GOLIM4: variants seen among roughly 807,000 people sequenced by gnomAD.
GOLIM4 encodes golgi integral membrane protein 4.
Under a neutral mutation model 107.4 loss-of-function variants are expected in GOLIM4, and 71 were observed. The ratio of observed to expected loss-of-function variants is 0.66; its 90% CI spans 0.55 to 0.81. The LOEUF is 0.81. GOLIM4 is among the 30% of genes least tolerant of loss of function. The pLI, the probability that GOLIM4 is intolerant of heterozygous loss-of-function variation, is 0.00. For synonymous variants in GOLIM4, 327 were observed against 294.8 expected, an observed-to-expected ratio of 1.11 and a Z score of -1.12; for missense variants, 830 against 826.1, an observed-to-expected ratio of 1.00 and a Z score of -0.06.
intron 14 of GOLIM4, among the ~76,000 whole-genome samples, chr3:168,013,241 G>T (rs1415603075): frequency 7.9e-5 from 12 of 151,118 alleles, no homozygotes; most frequent in East Asian, 1.9e-4. Flanking sequence ...GTTGCAATCC[G>T]AGTCTCTGAT....
At chr3:168,072,907 A>T (rs1720907337) in intron 1 of GOLIM4, among the ~76,000 whole-genome samples, 1 of 152,232 alleles carries the variant, frequency 6.6e-6, no homozygotes, top group South Asian at 2.1e-4. Flanking sequence ...GATCATATGT[A>T]ATGAAACACA....
chr3:168,072,589 G>C (rs984738644), intron 1 of GOLIM4, among the ~76,000 whole-genome samples: 2 of 151,992 alleles, frequency 1.3e-5, no homozygotes, highest in African/African-American at 4.8e-5. Flanking sequence ...ATGTAAAAAT[G>C]GGCCATAAAT....
Position 168,032,643 on chromosome 3 carries a change from G to A in GOLIM4, c.1053C>T (p.Val351=), listed in dbSNP as rs774956789. The stretch of plus-strand genomic sequence containing the variant: ...CCTCCTCAAGATGTTCTGCTTGCCC[G>A]ACCTGCTCCATTTCTTCCTCCTCCA... ...KALEEEEMEQ[V]GQAEHLEEEH... Residue 351 remains valine, a synonymous_variant, in exon 9 of 16, where the codon GTC becomes GTT. Transcript: ENST00000470487. 2.3e-4 allele frequency: 378 copies of A among 1,613,814 alleles called. 1 individual carries two copies. The Admixed American group carries it at 6.0e-3, about 25-fold the overall frequency.
intron 14 of GOLIM4, among the ~76,000 whole-genome samples, chr3:168,011,195 G>A (rs78775703): frequency 7.4e-5 from 11 of 148,946 alleles, no homozygotes; most frequent in Non-Finnish European, 1.5e-4. Flanking sequence ...CGCACCATGC[G>A]CGAGCCAAAG....
intron 5 of GOLIM4, 44 bp downstream of exon 5, chr3:168,043,335 A>G (rs1324695645): frequency 3.7e-6 from 5 of 1,358,134 alleles, no homozygotes; most frequent in Non-Finnish European, 5.1e-6. Context: ...CATTAATATC[A>G]GTACTTATTT....
rs1720182985 is a variant in GOLIM4 at position 168,060,123 on chromosome 3, T to TG, written c.188-11759dup. The stretch of plus-strand genomic sequence containing the variant: ...GAGTTTTTTTTTTTTTTCTTAGAGA[T>TG]GGGGTCTCACTATGTTGCCTAGGCT... On this transcript the variant is annotated intron_variant, in intron 1 of 15. Transcript: ENST00000470487. Among the ~76,000 whole-genome samples, 4 of 150,576 alleles carry TG rather than the reference T, an allele frequency of 2.7e-5. No individual in the cohort carries two copies. The South Asian group carries it at 8.4e-4, about 32-fold the overall frequency.
rs10711622 is a variant in GOLIM4 at position 168,033,441 on chromosome 3, T to TA, written c.844-590dup. On this transcript the variant is annotated intron_variant, in intron 8 of 15. Coordinates refer to ENST00000470487, the MANE Select transcript of GOLIM4 (RefSeq NM_014498.5). ...TAACACAGTGAAACCCCGTCTCTAC[T>TA]AAAAAAACACAAAAAATTAGCCGGG... Among the ~76,000 whole-genome samples, 5 of 148,502 alleles carry TA rather than the reference T, an allele frequency of 3.4e-5. No homozygotes were observed. The South Asian group carries it at 6.4e-4, about 19-fold the overall frequency.
At chr3:168,061,786 C>T (rs1025782898) in intron 1 of GOLIM4, among the ~76,000 whole-genome samples, 1 of 152,170 alleles carries the variant, frequency 6.6e-6, no homozygotes, top group Non-Finnish European at 1.5e-5. Flanking sequence ...ACTATTCACA[C>T]TGTGCACATG....
At chr3:168,086,301 A>G (rs1300226488) in intron 1 of GOLIM4, among the ~76,000 whole-genome samples, 1 of 152,158 alleles carries the variant, frequency 6.6e-6, no homozygotes, top group Non-Finnish European at 1.5e-5. Context: ...TCAATTATCA[A>G]CTGCCAAATT....
intron 1 of GOLIM4, 48 bp from the exon 2 acceptor site, chr3:168,048,413 A>T: frequency 2.5e-6 from 2 of 790,790 alleles, no homozygotes; most frequent in Non-Finnish European, 4.0e-6. Flanking sequence ...AGAAATTTAA[A>T]ACTAAAATTA....
intron 1 of GOLIM4, among the ~76,000 whole-genome samples, chr3:168,080,725 C>A (rs1431520003): frequency 6.6e-6 from 1 of 152,206 alleles, no homozygotes; most frequent in Non-Finnish European, 1.5e-5. Flanking sequence ...ACTCACCTGA[C>A]ACAGAAATGC....
In GOLIM4 at chr3:168,032,628, A is replaced by T; in HGVS notation, c.1068T>A (p.His356Gln). Reference sequence around the variant, plus strand: ...GTGATGGATCGTGTTCCTCCTCAAGATGTTCTGCTTGCCCGACCTGCTCCA... The same window carrying T: ...GTGATGGATCGTGTTCCTCCTCAAGTTGTTCTGCTTGCCCGACCTGCTCCA... ...EEMEQVGQAEHLEEEHDPSPE... is the reference protein window; with the variant it reads ...EEMEQVGQAEQLEEEHDPSPE... The change falls in exon 9 of 16, where the codon CAT becomes CAA. Residue 356 changes from histidine to glutamine, a missense_variant. Transcript: ENST00000470487. The T allele has an allele frequency of 6.2e-7, 1 of 1,613,636 alleles. No homozygotes were observed. Among genetic ancestry groups the T allele is most frequent in the South Asian group, 1.1e-5 (1 of 91,018 alleles).
intron 1 of GOLIM4, among the ~76,000 whole-genome samples, chr3:168,083,972 T>C (rs1043275257): frequency 3.3e-5 from 5 of 152,186 alleles, no homozygotes; most frequent in Non-Finnish European, 5.9e-5. Context: ...CACTTTTATC[T>C]TCAGTGCTTA....
chr3:168,012,828 C>T (rs1476891656), intron 14 of GOLIM4, among the ~76,000 whole-genome samples: 1 of 151,992 alleles, frequency 6.6e-6, no homozygotes, highest in Non-Finnish European at 1.5e-5. Flanking sequence ...CCTTTACAGA[C>T]AAGCAAATGC....
intron 1 of GOLIM4, among the ~76,000 whole-genome samples, chr3:168,070,807 G>T (rs1322798926): frequency 6.6e-6 from 1 of 152,164 alleles, no homozygotes; most frequent in East Asian, 1.9e-4. Context: ...TCAATGTAAT[G>T]CCTTTGTGAT....
At chr3:168,037,894 C>T (rs1718753041) in intron 7 of GOLIM4, among the ~76,000 whole-genome samples, 1 of 152,226 alleles carries the variant, frequency 6.6e-6, no homozygotes. Context: ...TGTAAACAGA[C>T]ATATAAACAC....
intron 1 of GOLIM4, among the ~76,000 whole-genome samples, chr3:168,054,868 T>C (rs1719857747): frequency 6.6e-6 from 1 of 151,994 alleles, no homozygotes; most frequent in African/African-American, 2.4e-5. Context: ...TGGGGCAGGT[T>C]TTTCCTGTAC....
intron 1 of GOLIM4, among the ~76,000 whole-genome samples, chr3:168,084,059 G>A (rs1721501524): frequency 6.6e-6 from 1 of 152,138 alleles, no homozygotes; most frequent in Admixed American, 6.5e-5. Flanking sequence ...TGCAGGAGAG[G>A]CCTGGTGGGA....
chr3:168,037,469 CACAA>C (rs1718726803), intron 7 of GOLIM4, among the ~76,000 whole-genome samples: 1 of 151,944 alleles, frequency 6.6e-6, no homozygotes, highest in African/African-American at 2.4e-5. Flanking sequence ...CACACACACA[CACAA>C]ACACACACAC....
Sources: allele counts gnomAD v4.1 joint callset (sites outside exome capture counted in the v4.1 genomes callset), GRCh38; gene constraint gnomAD v4.1.1; transcripts MANE v1.5; gene names NCBI Gene and HGNC (gene_info 2026-07-23, HGNC 2026-07-21).